ABCA12: variants seen among roughly 807,000 people sequenced by gnomAD.
ABCA12 encodes the protein ATP binding cassette subfamily A member 12, also known as glucosylceramide transporter ABCA12.
In ABCA12, 156 loss-of-function variants were observed where a neutral mutation model predicts 293.5. The ratio of observed to expected loss-of-function variants is 0.53; its 90% CI spans 0.47 to 0.61. The LOEUF (loss-of-function observed/expected upper bound fraction) is 0.61, where lower values mean the gene tolerates loss of function less well. Among genes scored for constraint, ABCA12 ranks in the 20% least tolerant of loss-of-function variants. ABCA12 has a pLI of 0.00. For missense variants in ABCA12, 2,797 were observed against 3,090.2 expected, an observed-to-expected ratio of 0.91 and a Z score of 2.25; for synonymous variants, 1,063 against 1,108.0, an observed-to-expected ratio of 0.96 and a Z score of 0.81.
In ABCA12 at chr2:215,045,827, A is replaced by G. The variant is rs1701190779; in HGVS notation, c.872+10T>C. On this transcript the variant is annotated intron_variant, in intron 7 of 52. Transcript: ENST00000272895. ...CACTAATATTACATTTAATTCTTAC[A>G]TTTTCTTACCTGTTTGCCTTTCGAA... 1 of 1,611,296 alleles carries G rather than the reference A, an allele frequency of 6.2e-7. No homozygotes were observed. Among genetic ancestry groups the G allele is most frequent in the Non-Finnish European group, 8.5e-7 (1 of 1,178,268 alleles).
chr2:215,094,423 C>G (rs1702208876), intron 2 of ABCA12, among the ~76,000 whole-genome samples: 1 of 152,168 alleles, frequency 6.6e-6, no homozygotes, highest in African/African-American at 2.4e-5. Flanking sequence ...GTCACTCCTA[C>G]TTGCTCTCCC....
chr2:215,098,040 T>C (rs1053802789), intron 2 of ABCA12, among the ~76,000 whole-genome samples: 5 of 152,172 alleles, frequency 3.3e-5, no homozygotes, highest in Non-Finnish European at 7.3e-5. Flanking sequence ...TGGAGGTAAG[T>C]CAAGTTTTCA....
chr2:214,976,214 A>G (rs1699514443), intron 33 of ABCA12, among the ~76,000 whole-genome samples, 177 bp from the exon 34 acceptor site: 1 of 152,242 alleles, frequency 6.6e-6, no homozygotes, highest in African/African-American at 2.4e-5. Flanking sequence ...TCCATTGGGA[A>G]AACTGAGAAC....
In ABCA12 at chr2:215,039,616, G is replaced by A. The variant is rs554852974; in HGVS notation, c.873-2551C>T. 1.5e-3 allele frequency among the ~76,000 whole-genome samples: 221 copies of A among 152,100 alleles called. 2 individuals carry two copies. The highest frequency in any genetic ancestry group is 3.4e-3 in the Middle Eastern group (1 of 294). ...TAAAAATACAAAAAATTAGCCAGGC[G>A]TGGTGGCGGGCGCCTGTAGTCCCAG... On this transcript the variant is annotated intron_variant, in intron 7 of 52. Coordinates refer to ENST00000272895, the MANE Select transcript of ABCA12 (RefSeq NM_173076.3).
intron 11 of ABCA12, 83 bp downstream of exon 11, chr2:215,025,590 A>T: frequency 1.2e-6 from 1 of 833,458 alleles, no homozygotes; most frequent in Non-Finnish European, 1.8e-6. Flanking sequence ...ATATTATGAG[A>T]AGTGTTAAGG....
chr2:215,086,093 C>CG (rs1702032458), intron 2 of ABCA12, among the ~76,000 whole-genome samples: 1 of 152,198 alleles, frequency 6.6e-6, no homozygotes, highest in Non-Finnish European at 1.5e-5. Context: ...TTGCTGTCAA[C>CG]TACATTTATT....
chr2:215,005,777 G>C (rs1359660149), intron 19 of ABCA12, among the ~76,000 whole-genome samples: 1 of 152,138 alleles, frequency 6.6e-6, no homozygotes, highest in African/African-American at 2.4e-5. Context: ...TAAAAACCCT[G>C]ATTTGATCAA....
intron 13 of ABCA12, 110 bp downstream of exon 13, chr2:215,019,226 G>T: frequency 1.1e-6 from 1 of 923,406 alleles, no homozygotes; most frequent in Non-Finnish European, 1.7e-6. Context: ...TGTAAGGGCA[G>T]ATAGCAAAGC....
rs761549815 is a variant in ABCA12 at position 215,000,693 on chromosome 2, G to A, written c.3179+12C>T. 1.9e-6 allele frequency: 3 copies of A among 1,613,596 alleles called. No individual in the cohort carries two copies. Among genetic ancestry groups the A allele is most frequent in the South Asian group, 2.2e-5 (2 of 91,050 alleles). On this transcript the variant is annotated intron_variant, in intron 22 of 52. Transcript: ENST00000272895. ...GTTGATCATTAAAAAGGCTGGAAGTGCACACACTTACTTGTCTTTCATGAA... is the reference window on the plus strand; with the variant it reads ...GTTGATCATTAAAAAGGCTGGAAGTACACACACTTACTTGTCTTTCATGAA...
chr2:214,949,112 G>T lies in ABCA12; in HGVS notation c.6890C>A (p.Thr2297Asn). The change falls in exon 46 of 53, where the codon ACC becomes AAC. Residue 2297 changes from threonine (T) to asparagine (N), a missense_variant. Physicochemically the swap from Thr to Asn is moderately conservative, Grantham distance 65. This residue lies in a region of ABCA12 where 2,130 missense variants were observed against 2,427.0 expected (regional missense o/e 0.88). Coordinates refer to ENST00000272895, the MANE Select transcript of ABCA12 (RefSeq NM_173076.3). ...GLLGVNGAGKTTIFKMLTGDI... is the reference protein window; with the variant it reads ...GLLGVNGAGKNTIFKMLTGDI... Reference sequence around the variant, plus strand: ...TCCTGTCAGCATCTTGAATATAGTGGTCTTTCCTGCTCCATTCACTCCAAG... The same window carrying T: ...TCCTGTCAGCATCTTGAATATAGTGTTCTTTCCTGCTCCATTCACTCCAAG... The T allele has an allele frequency of 6.2e-7, 1 of 1,613,624 alleles. No individual in the cohort carries two copies. The highest frequency in any genetic ancestry group is 8.5e-7 in the Non-Finnish European group (1 of 1,179,872).
At position 214,953,983 on chromosome 2, in the gene ABCA12, C is replaced by G; in HGVS notation, c.6518G>C (p.Gly2173Ala). Reference protein sequence around the residue: ...QSVLDFLKAYGVEYPNETFEM... With the variant: ...QSVLDFLKAYAVEYPNETFEM... ...AAAGGTTTCATTTGGGTATTCCACT[C>G]CATATGCTTTTAAGAAGTCTAGGAC... The change falls in exon 44 of 53, where the codon GGA (glycine) becomes GCA (alanine). Residue 2173 changes from glycine (G) to alanine (A), a missense_variant. Gly to Ala is a moderately conservative substitution (Grantham distance 60). This residue lies in a region of ABCA12 where 2,130 missense variants were observed against 2,427.0 expected (regional missense o/e 0.88). Coordinates refer to ENST00000272895, the MANE Select transcript of ABCA12 (RefSeq NM_173076.3). 3.7e-6 allele frequency: 6 copies of G among 1,614,058 alleles called. No individual in the cohort carries two copies. Among genetic ancestry groups the G allele is most frequent in the Non-Finnish European group, 5.1e-6 (6 of 1,179,992 alleles).
chr2:214,946,588 A>G (rs1398403660), intron 48 of ABCA12, among the ~76,000 whole-genome samples: 1 of 152,146 alleles, frequency 6.6e-6, no homozygotes, highest in Non-Finnish European at 1.5e-5. Context: ...TTTATCTGGC[A>G]GTTGAAATGA....
In ABCA12 at chr2:214,970,363, C is replaced by T; in HGVS notation, c.5600G>A (p.Arg1867Lys). The change falls in exon 37 of 53, where the codon AGA (arginine) becomes AAA (lysine). Residue 1867 changes from arginine to lysine, a missense_variant. Arg to Lys is a conservative substitution (Grantham distance 26). Coordinates refer to ENST00000272895, the MANE Select transcript of ABCA12 (RefSeq NM_173076.3). ...ATAAATTACCTGGGATGAGTAAGTT[C>T]TTCTGTGCGGTGGGGAATAGTTAAA... The part of the protein sequence containing the change: ...PKFNYSPPHR[R>K]TYSSQVIYNL... 6.2e-7 allele frequency: 1 copy of T among 1,613,206 alleles called. No homozygotes were observed. The highest frequency in any genetic ancestry group is 8.5e-7 in the Non-Finnish European group (1 of 1,179,450).
chr2:215,003,819 C>A (rs1700195109), intron 20 of ABCA12, among the ~76,000 whole-genome samples: 1 of 152,050 alleles, frequency 6.6e-6, no homozygotes, highest in African/African-American at 2.4e-5. Context: ...AGGCGTGCAC[C>A]ACCATGCCCA....
chr2:214,982,498 A>C (rs1386583839), intron 29 of ABCA12, 115 bp from the exon 30 acceptor site: 1 of 773,280 alleles, frequency 1.3e-6, no homozygotes, highest in African/African-American at 1.7e-5. Context: ...GTGCTCAGTA[A>C]GGTACAATAA....
At chr2:215,030,438 CAAAAAAA>C (rs59050296) in intron 9 of ABCA12, among the ~76,000 whole-genome samples, 1 of 113,634 alleles carries the variant, frequency 8.8e-6, no homozygotes. Flanking sequence ...ACTAACAATA[CAAAAAAA>C]AAAAAAAAAT....
intron 40 of ABCA12, among the ~76,000 whole-genome samples, chr2:214,958,746 C>A (rs1304818100): frequency 6.6e-6 from 1 of 152,098 alleles, no homozygotes; most frequent in Non-Finnish European, 1.5e-5. Flanking sequence ...GCATAGGAAC[C>A]ATACTTAATT....
chr2:215,027,082 C>T (rs1289076619), intron 9 of ABCA12, 144 bp from the exon 10 acceptor site: 8 of 622,000 alleles, frequency 1.3e-5, no homozygotes, highest in Non-Finnish European at 2.0e-5. Context: ...CGGTGGCTCA[C>T]GCCTGTAATC....
intron 2 of ABCA12, among the ~76,000 whole-genome samples, chr2:215,084,605 G>A (rs1014134266): frequency 2.6e-5 from 4 of 152,122 alleles, no homozygotes; most frequent in African/African-American, 9.7e-5. Flanking sequence ...TCAAAAGGGG[G>A]AAACTTAGCC....
Sources: gnomAD v4.1 joint callset for allele counts (sites outside exome capture counted in the v4.1 genomes callset) on GRCh38, gnomAD v4.1.1 for gene constraint, gnomAD v4.1.1 regional missense constraint, MANE v1.5 for transcripts, NCBI Gene and HGNC (gene_info 2026-07-23, HGNC 2026-07-21) for gene names.